The following YEATS4 variants were observed in gnomAD, a reference collection of about 807,000 sequenced individuals.
YEATS4 encodes the protein YEATS domain-containing protein 4.
Under a neutral mutation model 30.1 loss-of-function variants are expected in YEATS4, and 17 were observed. The observed-to-expected ratio is 0.56, with a 90% confidence interval of 0.39 to 0.85. The LOEUF (loss-of-function observed/expected upper bound fraction) is 0.85. YEATS4 is among the 40% of genes least tolerant of loss of function. The pLI, the probability that YEATS4 is intolerant of heterozygous loss-of-function variation, is 0.00. For synonymous variants in YEATS4, 85 were observed against 87.5 expected (o/e 0.97, Z 0.16); for missense variants, 142 against 268.3 (o/e 0.53, Z 3.29).
chr12:69,397,411 C>G, the YEATS4 span, among the ~76,000 whole-genome samples: 1 of 152,146 alleles, frequency 6.6e-6, no homozygotes, highest in Non-Finnish European at 1.5e-5. Context: ...CCCATAATCC[C>G]CACTTGTTAT....
rs757624948 is a variant in YEATS4, at chr12:69,390,335, TG to T, written c.*21del. On this transcript the variant is annotated 3_prime_UTR_variant, in exon 7 of 7. Coordinates refer to ENST00000247843, the MANE Select transcript of YEATS4 (RefSeq NM_006530.4). The stretch of plus-strand genomic sequence containing the variant: ...CATATAAACAGTTCTCATGAGAACT[TG>T]GTAGTAAGCTAAACTGAAAATAAGG... The T allele has an allele frequency of 6.5e-7, 1 of 1,540,600 alleles. No individual in the cohort carries two copies. The highest frequency in any genetic ancestry group is 2.3e-5 in the Admixed American group (1 of 42,830).
chr12:69,399,440 T>C, the YEATS4 span, among the ~76,000 whole-genome samples: 1 of 152,216 alleles, frequency 6.6e-6, no homozygotes, highest in Admixed American at 6.5e-5. Context: ...ATCAAAATGA[T>C]GATAACACTT....
At position 69,389,563 on chromosome 12, in the gene YEATS4, G is replaced by A. The variant is rs1868292083; in HGVS notation, c.515-584G>A. Among the ~76,000 whole-genome samples, 4 of 140,704 alleles carry A rather than the reference G, an allele frequency of 2.8e-5. No homozygotes were observed. The South Asian group carries it at 9.7e-4, about 34-fold the overall frequency. The allele number at this position is 140,704 out of a possible 152,430, so 92.3% of individuals were successfully genotyped here. A position where few individuals can be genotyped will look rare whatever the true frequency, so the allele number is the denominator to read the frequency against. ...GAGTCTCACTCTGTCGACCAGGCTG[G>A]AGTGCACTAGCGTCATCTCAGCTCA... On this transcript the variant is annotated intron_variant, in intron 6 of 6. Coordinates refer to ENST00000247843, the MANE Select transcript of YEATS4 (RefSeq NM_006530.4).
intron 4 of YEATS4, 127 bp from the exon 5 acceptor site, chr12:69,370,579 G>T (rs1875599019): frequency 9.4e-6 from 7 of 745,124 alleles, no homozygotes; most frequent in Non-Finnish European, 1.2e-5. Context: ...ATAAGTTGCA[G>T]TTGAAACAAG....
At chr12:69,426,573 A>G in the YEATS4 span, among the ~76,000 whole-genome samples, 2 of 152,082 alleles carry the variant, frequency 1.3e-5, no homozygotes, top group African/African-American at 2.4e-5. Context: ...GTTTTATCAT[A>G]TTAGTCACGC....
At chr12:69,395,915 A>G in the YEATS4 span, among the ~76,000 whole-genome samples, 312 of 152,306 alleles carry the variant, frequency 2.0e-3, no homozygotes, top group African/African-American at 6.2e-3. Flanking sequence ...AGTTTCATCT[A>G]TCTCCTGCCC....
the YEATS4 span, among the ~76,000 whole-genome samples, chr12:69,418,352 T>C: frequency 6.6e-6 from 1 of 152,138 alleles, no homozygotes; most frequent in Non-Finnish European, 1.5e-5. Context: ...CCAGGGAGGC[T>C]GAGGCACAAG....
At chr12:69,367,184 C>T (rs1056545145) in intron 4 of YEATS4, among the ~76,000 whole-genome samples, 4 of 152,148 alleles carry the variant, frequency 2.6e-5, no homozygotes, top group African/African-American at 9.7e-5. Flanking sequence ...GAAAGCTGTA[C>T]TTCGTTACGC....
chr12:69,397,561 T>C, the YEATS4 span, among the ~76,000 whole-genome samples: 1 of 152,230 alleles, frequency 6.6e-6, no homozygotes, highest in Non-Finnish European at 1.5e-5. Context: ...CCTGCCACCA[T>C]GTAAGACATG....
At chr12:69,397,249 T>G in the YEATS4 span, among the ~76,000 whole-genome samples, 5 of 152,236 alleles carry the variant, frequency 3.3e-5, no homozygotes, top group East Asian at 9.6e-4. Flanking sequence ...AATTCACATA[T>G]TGAGCCCTAA....
chr12:69,392,109 G>A (rs755829272), downstream of YEATS4, among the ~76,000 whole-genome samples: 52 of 152,218 alleles, frequency 3.4e-4, no homozygotes, highest in Admixed American at 5.2e-4. Flanking sequence ...TCCAAGGAAG[G>A]TATCAAAATG....
downstream of YEATS4, among the ~76,000 whole-genome samples, chr12:69,392,920 T>C (rs1868326721): frequency 6.6e-6 from 1 of 152,196 alleles, no homozygotes; most frequent in Non-Finnish European, 1.5e-5. Flanking sequence ...CTATATCAAA[T>C]ATGAACATCA....
chr12:69,404,200 G>C, the YEATS4 span, among the ~76,000 whole-genome samples: 1 of 152,204 alleles, frequency 6.6e-6, no homozygotes, highest in Admixed American at 6.5e-5. Flanking sequence ...TGTTCTGCAG[G>C]CACCTCAATT....
At position 69,377,239 on chromosome 12, in the gene YEATS4, C is replaced by T. The variant is rs539878564; in HGVS notation, c.514+6264C>T. On this transcript the variant is annotated intron_variant, in intron 6 of 6. Transcript: ENST00000247843. ...TTGGGTTTGGTTTGCTCTTGCTTTT[C>T]TCATTTTTTACAATACATCGTTAGA... 8.7e-4 allele frequency among the ~76,000 whole-genome samples: 133 copies of T among 152,100 alleles called. 1 individual carries two copies. Among genetic ancestry groups the T allele is most frequent in the African/African-American group, 3.1e-3 (128 of 41,514 alleles).
At chr12:69,410,092 G>C in the YEATS4 span, among the ~76,000 whole-genome samples, 3 of 152,154 alleles carry the variant, frequency 2.0e-5, no homozygotes, top group African/African-American at 4.8e-5. Context: ...TATTATGGCA[G>C]CCCTAGCAAA....
At chr12:69,398,203 A>G in the YEATS4 span, among the ~76,000 whole-genome samples, 1 of 152,136 alleles carries the variant, frequency 6.6e-6, no homozygotes, top group Non-Finnish European at 1.5e-5. Flanking sequence ...AGCCAGAGCA[A>G]TTTGGCAAGC....
chr12:69,404,505 A>G, the YEATS4 span, among the ~76,000 whole-genome samples: 3 of 152,048 alleles, frequency 2.0e-5, no homozygotes, highest in African/African-American at 4.8e-5. Context: ...TTTGGCCCTC[A>G]TTTTCTCTCT....
At chr12:69,417,154 A>ATTTTTTTTTTTTTTTTTTTTTTT in the YEATS4 span, among the ~76,000 whole-genome samples, 1 of 68,134 alleles carries the variant, frequency 1.5e-5, no homozygotes. Context: ...TTTTTTAAAA[A>ATTTTTTTTTTTTTTTTTTTTTTT]TTTTTTTTTT....
chr12:69,364,584 T>C (rs1025324147), intron 2 of YEATS4, among the ~76,000 whole-genome samples: 72 of 152,310 alleles, frequency 4.7e-4, no homozygotes, highest in South Asian at 2.1e-4. Context: ...CAATCTTAGA[T>C]TGCTTTAAAT....
Sources: gnomAD v4.1 joint callset for allele counts (sites outside exome capture counted in the v4.1 genomes callset) on GRCh38, gnomAD v4.1.1 for gene constraint, MANE v1.5 for transcripts, NCBI Gene and HGNC (gene_info 2026-07-23, HGNC 2026-07-21) for gene names.